Variants in DOCK3 observed in about 807,000 individuals in gnomAD.
The protein encoded by DOCK3 is dedicator of cytokinesis protein 3.
Under a neutral mutation model 265.6 loss-of-function variants are expected in DOCK3, and 60 were observed. That is an observed-to-expected ratio of 0.23 (90% CI 0.18 to 0.28). The LOEUF (loss-of-function observed/expected upper bound fraction) is 0.28. Among genes scored for constraint, DOCK3 ranks in the 10% least tolerant of loss-of-function variants. The probability of loss-of-function intolerance (pLI) is 1.00; values close to 1 mark genes in which losing one functional copy is unlikely to be tolerated. For missense variants in DOCK3, 1,981 were observed against 2,594.3 expected, an observed-to-expected ratio of 0.76 and a Z score of 5.14; for synonymous variants, 881 against 938.0, an observed-to-expected ratio of 0.94 and a Z score of 1.11.
chr3:50,936,958 C>A (rs2108200911), intron 5 of DOCK3, among the ~76,000 whole-genome samples: 1 of 152,210 alleles, frequency 6.6e-6, no homozygotes, highest in South Asian at 2.1e-4. Context: ...TGATACAGTT[C>A]TCAGTGTATG....
chr3:51,165,099 C>T (rs1371052179), intron 12 of DOCK3, among the ~76,000 whole-genome samples: 7 of 152,118 alleles, frequency 4.6e-5, no homozygotes, highest in South Asian at 4.2e-4. Flanking sequence ...CTGCCACGCC[C>T]GGCTAATTTT....
intron 1 of DOCK3, among the ~76,000 whole-genome samples, chr3:50,756,280 C>T (rs760322835): frequency 6.6e-6 from 1 of 152,128 alleles, no homozygotes; most frequent in Non-Finnish European, 1.5e-5. Flanking sequence ...GCCATTTTGC[C>T]TCATAATGTG....
chr3:50,764,877 T>C (rs1348970294), intron 1 of DOCK3, among the ~76,000 whole-genome samples: 1 of 152,134 alleles, frequency 6.6e-6, no homozygotes, highest in Non-Finnish European at 1.5e-5. Context: ...GATAAATCCT[T>C]CATTATATAT....
intron 5 of DOCK3, among the ~76,000 whole-genome samples, chr3:51,052,235 G>A (rs1401674466): frequency 3.9e-5 from 6 of 152,186 alleles, no homozygotes; most frequent in Non-Finnish European, 8.8e-5. Context: ...GCTGGGTGCA[G>A]TGGCTCATGC....
chr3:50,690,543 A>G (rs1305079821), intron 1 of DOCK3, among the ~76,000 whole-genome samples: 2 of 152,078 alleles, frequency 1.3e-5, no homozygotes, highest in Admixed American at 1.3e-4. Flanking sequence ...GAAATTCTAC[A>G]CCAGTTAAAT....
intron 27 of DOCK3, among the ~76,000 whole-genome samples, chr3:51,304,235 C>T (rs1560394487): frequency 6.6e-6 from 1 of 152,110 alleles, no homozygotes; most frequent in Admixed American, 6.5e-5. Context: ...TCCAAACCGT[C>T]CAGTTTCCCC....
intron 5 of DOCK3, among the ~76,000 whole-genome samples, chr3:51,020,492 T>G (rs2079536476): frequency 6.6e-6 from 1 of 151,956 alleles, no homozygotes; most frequent in African/African-American, 2.4e-5. Flanking sequence ...CATTTGTCAA[T>G]TTTTGCTTTT....
In DOCK3 at chr3:51,278,697, C is replaced by T. The variant is rs75977169; in HGVS notation, c.2823+943C>T. Among the ~76,000 whole-genome samples, 688 of 152,110 alleles carry T rather than the reference C, an allele frequency of 4.5e-3. 30 individuals are homozygous for T. In the East Asian group the frequency reaches 0.11, roughly 24 times the overall value. The stretch of plus-strand genomic sequence containing the variant: ...ACACTTACACAGTGCTTGCTGTGGG[C>T]CAGACCCTGCTTTAAGCACTTGTCC... On this transcript the variant is annotated intron_variant, in intron 26 of 52. Coordinates refer to ENST00000266037, the MANE Select transcript of DOCK3 (RefSeq NM_004947.5).
chr3:51,034,677 T>A (rs1224002731), intron 5 of DOCK3, among the ~76,000 whole-genome samples: 1 of 152,106 alleles, frequency 6.6e-6, no homozygotes, highest in Non-Finnish European at 1.5e-5. Flanking sequence ...ATCCATACAT[T>A]TACTGGTTCC....
intron 9 of DOCK3, among the ~76,000 whole-genome samples, chr3:51,123,790 C>T (rs545144811): frequency 2.6e-5 from 4 of 152,218 alleles, no homozygotes; most frequent in South Asian, 2.1e-4. Flanking sequence ...TAACATAAGC[C>T]GTATTGTTCA....
At position 51,226,497 on chromosome 3, in the gene DOCK3, T is replaced by G. The variant is rs569188254; in HGVS notation, c.1377+724T>G. Reference sequence around the variant, plus strand: ...ATTTGACAGAGGAAAAGGGTAAAATTAGTCAAAATCATTTCCCAAATCAAG... The same window carrying G: ...ATTTGACAGAGGAAAAGGGTAAAATGAGTCAAAATCATTTCCCAAATCAAG... On this transcript the variant is annotated intron_variant, in intron 15 of 52. Transcript: ENST00000266037. 2.6e-5 allele frequency among the ~76,000 whole-genome samples: 4 copies of G among 152,324 alleles called. No individual in the cohort carries two copies. The East Asian group carries it at 7.7e-4, about 29-fold the overall frequency.
chr3:51,073,792 A>G (rs1291985686), intron 6 of DOCK3, among the ~76,000 whole-genome samples: 4 of 152,168 alleles, frequency 2.6e-5, no homozygotes, highest in South Asian at 2.1e-4. Flanking sequence ...CTTGCCTGCT[A>G]GAAAGTATAC....
chr3:51,277,095 G>A (rs2108951117), intron 25 of DOCK3, among the ~76,000 whole-genome samples: 1 of 152,198 alleles, frequency 6.6e-6, no homozygotes, highest in Non-Finnish European at 1.5e-5. Context: ...AAAAATTGAG[G>A]GCACCCAAGG....
intron 3 of DOCK3, among the ~76,000 whole-genome samples, chr3:50,855,363 G>GGTATT (rs1169978761): frequency 2.0e-5 from 3 of 149,902 alleles, no homozygotes; most frequent in African/African-American, 7.4e-5. Context: ...TGTATTCCTA[G>GGTATT]GTATTGTATT....
chr3:50,723,562 T>C (rs1011285949), intron 1 of DOCK3, among the ~76,000 whole-genome samples: 2 of 152,096 alleles, frequency 1.3e-5, no homozygotes, highest in African/African-American at 2.4e-5. Context: ...AACCATCTGA[T>C]CTTTGACAAA....
Position 51,361,788 on chromosome 3 carries a change from A to G in DOCK3, c.5007-71A>G. On this transcript the variant is annotated intron_variant, in intron 47 of 52. Coordinates refer to ENST00000266037, the MANE Select transcript of DOCK3 (RefSeq NM_004947.5). The surrounding 1 kb of genome is among the most constrained non-coding windows in gnomAD (Gnocchi z 4.2). ...GAAACCAGGGATGACTATTCCACAC[A>G]TTCCGCTCTACTGTCCCCCTGCCAC... The G allele has an allele frequency of 6.5e-7, 1 of 1,549,420 alleles. No homozygotes were observed. Among genetic ancestry groups the G allele is most frequent in the East Asian group, 2.3e-5 (1 of 43,402 alleles).
At chr3:50,931,995 T>C (rs2051092430) in intron 4 of DOCK3, among the ~76,000 whole-genome samples, 1 of 152,206 alleles carries the variant, frequency 6.6e-6, no homozygotes, top group Non-Finnish European at 1.5e-5. Context: ...CCCACAAAGG[T>C]ACTCTTGTCC....
intron 5 of DOCK3, among the ~76,000 whole-genome samples, chr3:51,005,052 A>AGCAT (rs1486133712): frequency 1.1e-4 from 17 of 151,866 alleles, no homozygotes; most frequent in Admixed American, 1.1e-3. Context: ...TCATTTTAAG[A>AGCAT]GAAAATACTG....
intron 4 of DOCK3, among the ~76,000 whole-genome samples, chr3:50,918,221 C>T (rs985578473): frequency 4.6e-5 from 7 of 152,100 alleles, no homozygotes; most frequent in Admixed American, 2.0e-4. Context: ...AATAAACATA[C>T]GTGTGCATGT....
Sources: allele counts gnomAD v4.1 joint callset (sites outside exome capture counted in the v4.1 genomes callset), GRCh38; gene constraint gnomAD v4.1.1; non-coding constraint Gnocchi (gnomAD v3.1); transcripts MANE v1.5; gene names NCBI Gene and HGNC (gene_info 2026-07-23, HGNC 2026-07-21).